Variants in PELI2 observed in about 807,000 individuals in gnomAD.
The protein encoded by PELI2 is E3 ubiquitin-protein ligase pellino homolog 2.
PELI2 carries 23 observed loss-of-function variants against 42.3 expected under a neutral mutation model. The observed-to-expected ratio is 0.54, with a 90% CI of 0.39 to 0.77. The LOEUF (loss-of-function observed/expected upper bound fraction) is 0.77, where lower values mean the gene tolerates loss of function less well. Ranked by LOEUF, PELI2 falls within the 30% of genes least tolerant of loss-of-function variation. The pLI is 0.00. For missense variants in PELI2, 463 were observed against 553.2 expected, an observed-to-expected ratio of 0.84 and a Z score of 1.64; for synonymous variants, 245 against 212.2, an observed-to-expected ratio of 1.15 and a Z score of -1.34.
intron 3 of PELI2, among the ~76,000 whole-genome samples, chr14:56,286,749 G>A (rs12436138): frequency 6.6e-6 from 1 of 151,272 alleles, no homozygotes; most frequent in African/African-American, 2.4e-5. Flanking sequence ...TGTTTTTTTT[G>A]TTGTTGTTGT....
In PELI2 at chr14:56,210,185, G is replaced by GA. The variant is rs201976805; in HGVS notation, c.207+31731dup. ...ATGTCACATTTCAAATTGGAAAAAT[G>GA]AAAAAAAAAATGTATGTTGATGAGA... On this transcript the variant is annotated intron_variant, in intron 2 of 5. Coordinates refer to ENST00000267460, the MANE Select transcript of PELI2 (RefSeq NM_021255.3). 1.8e-4 allele frequency among the ~76,000 whole-genome samples: 26 copies of GA among 147,974 alleles called. No homozygotes were observed. In the East Asian group the frequency reaches 2.8e-3, roughly 16 times the overall value.
At chr14:56,267,517 A>AAAATTCCAAGGAAAT (rs1888949978) in intron 2 of PELI2, among the ~76,000 whole-genome samples, 2 of 152,216 alleles carry the variant, frequency 1.3e-5, no homozygotes, top group African/African-American at 2.4e-5. Context: ...AAAGACATTC[A>AAAATTCCAAGGAAAT]TTATTTTACT....
intron 2 of PELI2, among the ~76,000 whole-genome samples, chr14:56,223,039 C>T (rs1410392930): frequency 1.3e-5 from 2 of 152,268 alleles, no homozygotes; most frequent in Non-Finnish European, 1.5e-5. Flanking sequence ...TAAATGGCTG[C>T]AGCCGACCCC....
At chr14:56,194,416 C>T (rs189919206) in intron 2 of PELI2, among the ~76,000 whole-genome samples, 72 of 152,268 alleles carry the variant, frequency 4.7e-4, no homozygotes, top group African/African-American at 1.6e-3. Flanking sequence ...AATACCAGGC[C>T]CCACTGCCCC....
At chr14:56,213,321 T>C (rs193137934) in intron 2 of PELI2, among the ~76,000 whole-genome samples, 2 of 152,336 alleles carry the variant, frequency 1.3e-5, no homozygotes, top group African/African-American at 4.8e-5. Flanking sequence ...CCTCTTACTT[T>C]TTGGGCCCAG....
At chr14:56,168,263 GCC>G (rs35910825) in intron 1 of PELI2, among the ~76,000 whole-genome samples, 1 of 151,454 alleles carries the variant, frequency 6.6e-6, no homozygotes, top group Non-Finnish European at 1.5e-5. Context: ...TGAGCAGCGT[GCC>G]CCCCCCCAGA....
In PELI2 at chr14:56,279,759, G is replaced by T; in HGVS notation, c.291G>T (p.Lys97Asn). The change falls in exon 3 of 6, where the codon AAG (lysine) becomes AAT (asparagine). Residue 97 changes from lysine (K) to asparagine (N), a missense_variant. Physicochemically the swap from Lys to Asn is moderately conservative, Grantham distance 94 (BLOSUM62 0). Transcript: ENST00000267460. ...QTVVVEYTHD[K>N]DTDMFQVGRS... ...TGGTGGTGGAGTACACACATGATAA[G>T]GATACGGATATGTTTCAGGTAATAT... 2 of 1,564,982 alleles carry T rather than the reference G, an allele frequency of 1.3e-6. No homozygotes were observed. The highest frequency in any genetic ancestry group is 1.7e-5 in the Admixed American group (1 of 59,368).
At chr14:56,243,997 G>A (rs1052081563) in intron 2 of PELI2, among the ~76,000 whole-genome samples, 2 of 152,096 alleles carry the variant, frequency 1.3e-5, no homozygotes, top group Admixed American at 6.6e-5. Flanking sequence ...TCAAATAGGG[G>A]CATAAAACCC....
chr14:56,296,635 C>A lies in PELI2; in HGVS notation c.732C>A (p.Ser244=), dbSNP rs72720080. 2 of 1,610,558 alleles carry A rather than the reference C, an allele frequency of 1.2e-6. No individual in the cohort carries two copies. The highest frequency in any genetic ancestry group is 2.7e-5 in the African/African-American group (2 of 74,906). ...AGACCAACGTCCTGCAGGACGGCTC[C>A]CTCATTGACCTGTGTGGGGCCACTC... is the stretch of plus-strand genomic sequence containing the variant. ...ESETNVLQDG[S]LIDLCGATLL... The change falls in exon 6 of 6, where the codon TCC becomes TCA. Residue 244 remains serine (S), a synonymous_variant. Coordinates refer to ENST00000267460, the MANE Select transcript of PELI2 (RefSeq NM_021255.3).
At chr14:56,198,029 A>C (rs997089828) in intron 2 of PELI2, among the ~76,000 whole-genome samples, 3 of 149,736 alleles carry the variant, frequency 2.0e-5, no homozygotes, top group South Asian at 2.1e-4. Flanking sequence ...TCTTTGGTCC[A>C]CTTCTCTAGA....
At chr14:56,172,555 G>T (rs990861421) in intron 1 of PELI2, among the ~76,000 whole-genome samples, 2 of 152,224 alleles carry the variant, frequency 1.3e-5, no homozygotes, top group African/African-American at 4.8e-5. Context: ...CTTAAGGAGG[G>T]GAGGTTGGTT....
chr14:56,193,303 T>C (rs898697453), intron 2 of PELI2, among the ~76,000 whole-genome samples: 1 of 152,184 alleles, frequency 6.6e-6, no homozygotes, highest in African/African-American at 2.4e-5. Flanking sequence ...ATGCTGATTT[T>C]CTCTATTACC....
intron 2 of PELI2, among the ~76,000 whole-genome samples, chr14:56,238,358 A>G (rs769834599): frequency 3.2e-4 from 48 of 152,350 alleles, no homozygotes; most frequent in Admixed American, 7.2e-4. Context: ...GCTGTTTCGT[A>G]TTAACTGCAT....
At chr14:56,223,341 A>G (rs1017545133) in intron 2 of PELI2, among the ~76,000 whole-genome samples, 1 of 152,170 alleles carries the variant, frequency 6.6e-6, no homozygotes, top group Non-Finnish European at 1.5e-5. Context: ...ACTTAGAGAC[A>G]CTGGGGGATG....
Position 56,118,742 on chromosome 14 carries a change from G to A in PELI2, c.77+5G>A. Reference sequence around the variant, plus strand: ...CGGGGAGCTGGTGGTGCTCGGGTGAGTCCTGGGGTCCCTGGTCCCGGGCAG... The same window carrying A: ...CGGGGAGCTGGTGGTGCTCGGGTGAATCCTGGGGTCCCTGGTCCCGGGCAG... On this transcript the variant is annotated splice_donor_5th_base_variant and intron_variant, in intron 1 of 5. Transcript: ENST00000267460. 6.7e-7 allele frequency: 1 copy of A among 1,494,480 alleles called. No individual in the cohort carries two copies. The highest frequency in any genetic ancestry group is 2.1e-4 in the Middle Eastern group (1 of 4,678). The allele number at this position is 1,494,480 out of a possible 1,614,324, so 92.6% of individuals were successfully genotyped here. A position where few individuals can be genotyped will look rare whatever the true frequency, so the allele number is the denominator to read the frequency against.
At chr14:56,279,387 G>C (rs1348295556) in intron 2 of PELI2, among the ~76,000 whole-genome samples, 1 of 152,140 alleles carries the variant, frequency 6.6e-6, no homozygotes, top group Non-Finnish European at 1.5e-5. Context: ...GAAAGTGTGT[G>C]TTTTTCTAAG....
intron 2 of PELI2, among the ~76,000 whole-genome samples, chr14:56,193,891 C>T (rs893959069): frequency 2.0e-5 from 3 of 152,156 alleles, no homozygotes; most frequent in Non-Finnish European, 4.4e-5. Flanking sequence ...TAGGAAGATT[C>T]TGATTCCTCC....
chr14:56,178,185 C>G, intron 1 of PELI2, 150 bp from the exon 2 acceptor site: 1 of 673,318 alleles, frequency 1.5e-6, no homozygotes, highest in South Asian at 2.0e-5. Context: ...CAGCTGAAGT[C>G]TGTATTGCAA....
intron 2 of PELI2, among the ~76,000 whole-genome samples, chr14:56,194,949 A>T (rs1171872722): frequency 6.6e-6 from 1 of 152,220 alleles, no homozygotes; most frequent in African/African-American, 2.4e-5. Flanking sequence ...GCTGTGCAAA[A>T]TTAAAGTATC....
Sources: allele counts gnomAD v4.1 joint callset (sites outside exome capture counted in the v4.1 genomes callset), GRCh38; gene constraint gnomAD v4.1.1; transcripts MANE v1.5; gene names NCBI Gene and HGNC (gene_info 2026-07-23, HGNC 2026-07-21).